Variants in DIAPH3 observed in about 807,000 individuals in gnomAD.
The protein encoded by DIAPH3 is protein diaphanous homolog 3.
A neutral mutation model predicts 144.3 loss-of-function variants in DIAPH3; 117 were observed. The observed-to-expected ratio is 0.81, with a 90% CI of 0.70 to 0.95. DIAPH3 has a LOEUF of 0.95. DIAPH3 is among the 40% of genes least tolerant of loss of function. The pLI is 0.00. For missense variants in DIAPH3, 1,421 were observed against 1,412.7 expected (o/e 1.01, Z -0.09); for synonymous variants, 519 against 488.9 (o/e 1.06, Z -0.81).
intron 17 of DIAPH3, among the ~76,000 whole-genome samples, chr13:59,967,211 T>G (rs2050105722): frequency 6.6e-6 from 1 of 151,632 alleles, no homozygotes; most frequent in South Asian, 2.1e-4. Context: ...GGACTACAGG[T>G]GTGCACCACC....
rs761456565 is a variant in DIAPH3 at position 60,008,527 on chromosome 13, A to G, written c.1014+17T>C. The stretch of plus-strand genomic sequence containing the variant: ...TATGCCATTTAAAAACAGATTTTAT[A>G]TACACACAAAACTTACTTGCAGTTG... On this transcript the variant is annotated intron_variant, in intron 9 of 27. Coordinates refer to ENST00000400324, the MANE Select transcript of DIAPH3 (RefSeq NM_001042517.2). 1.3e-6 allele frequency: 2 copies of G among 1,551,450 alleles called. No individual in the cohort carries two copies. The highest frequency in any genetic ancestry group is 1.7e-5 in the Admixed American group (1 of 59,502).
intron 25 of DIAPH3, among the ~76,000 whole-genome samples, chr13:59,777,175 GT>G (rs2038464091): frequency 6.6e-6 from 1 of 152,126 alleles, no homozygotes; most frequent in Non-Finnish European, 1.5e-5. Context: ...GAAACATATT[GT>G]TGTGCCAGAA....
Position 60,081,574 on chromosome 13 carries a change from A to C in DIAPH3, c.495+12054T>G, listed in dbSNP as rs1490465593. ...GAAAACTCCCTGATCTCCCACAAAA[A>C]AAGACAAAATAACTAAGTAGCAAAA... On this transcript the variant is annotated intron_variant, in intron 4 of 27. Transcript: ENST00000400324. 3.3e-5 allele frequency among the ~76,000 whole-genome samples: 5 copies of C among 152,152 alleles called. No homozygotes were observed. In the East Asian group the frequency reaches 7.7e-4, roughly 23 times the overall value.
At chr13:60,061,902 C>T (rs771238261) in intron 4 of DIAPH3, among the ~76,000 whole-genome samples, 24 of 152,192 alleles carry the variant, frequency 1.6e-4, no homozygotes, top group Non-Finnish European at 2.8e-4. Flanking sequence ...CAGCTATGCA[C>T]ACCATGGTTT....
intron 4 of DIAPH3, among the ~76,000 whole-genome samples, chr13:60,069,301 C>T (rs1302355739): frequency 6.6e-6 from 1 of 152,026 alleles, no homozygotes; most frequent in Non-Finnish European, 1.5e-5. Flanking sequence ...AGGGTCTGCT[C>T]GTGTCCTTTG....
At chr13:60,121,387 G>A (rs980825106) in intron 2 of DIAPH3, among the ~76,000 whole-genome samples, 1 of 152,138 alleles carries the variant, frequency 6.6e-6, no homozygotes, top group Non-Finnish European at 1.5e-5. Flanking sequence ...CACCTGGTAG[G>A]TGGGTACAGA....
At chr13:59,990,118 A>C (rs1158849300) in intron 12 of DIAPH3, among the ~76,000 whole-genome samples, 1 of 151,938 alleles carries the variant, frequency 6.6e-6, no homozygotes, top group East Asian at 1.9e-4. Flanking sequence ...TTTTAATAAA[A>C]TATCAGAAAG....
chr13:59,750,700 T>G (rs2036962929), intron 27 of DIAPH3, among the ~76,000 whole-genome samples: 1 of 152,152 alleles, frequency 6.6e-6, no homozygotes, highest in African/African-American at 2.4e-5. Context: ...AAATGAATAT[T>G]TTTACCGTAG....
intron 24 of DIAPH3, among the ~76,000 whole-genome samples, chr13:59,824,568 A>C (rs1007141821): frequency 6.6e-6 from 1 of 152,204 alleles, no homozygotes; most frequent in African/African-American, 2.4e-5. Flanking sequence ...ATCAGGACTA[A>C]TCATGTCTCT....
At chr13:59,879,082 G>T in intron 21 of DIAPH3, 147 bp downstream of exon 21, 1 of 1,123,866 alleles carries the variant, frequency 8.9e-7, no homozygotes, top group Non-Finnish European at 1.2e-6. Context: ...AATTAGCTCA[G>T]TTCACTCTGG....
intron 5 of DIAPH3, among the ~76,000 whole-genome samples, chr13:60,023,592 C>G (rs2054170829): frequency 6.6e-6 from 1 of 151,824 alleles, no homozygotes; most frequent in South Asian, 2.1e-4. Context: ...CACCACCATG[C>G]CTGGCTAATT....
chr13:59,825,286 T>C (rs1488108518), intron 24 of DIAPH3, among the ~76,000 whole-genome samples: 1 of 151,660 alleles, frequency 6.6e-6, no homozygotes, highest in Non-Finnish European at 1.5e-5. Context: ...GAACATATGG[T>C]GTTTGGTTTT....
intron 24 of DIAPH3, among the ~76,000 whole-genome samples, chr13:59,825,841 GA>G (rs1288760696): frequency 6.6e-6 from 1 of 151,992 alleles, no homozygotes; most frequent in African/African-American, 2.4e-5. Flanking sequence ...CTTCTTTTCA[GA>G]AGTGTCTGTT....
At chr13:60,028,598 C>G (rs1478837202) in intron 5 of DIAPH3, among the ~76,000 whole-genome samples, 5 of 152,108 alleles carry the variant, frequency 3.3e-5, no homozygotes, top group African/African-American at 1.2e-4. Context: ...TCACCTGTAT[C>G]TTTAGCTTCC....
chr13:59,680,563 G>C (rs2032886748), intron 27 of DIAPH3, among the ~76,000 whole-genome samples: 1 of 148,912 alleles, frequency 6.7e-6, no homozygotes, highest in Non-Finnish European at 1.5e-5. Context: ...TCTTTCCTTA[G>C]TCTTTTTTTT....
intron 17 of DIAPH3, among the ~76,000 whole-genome samples, chr13:59,927,002 C>G (rs1161397488): frequency 6.6e-6 from 1 of 152,106 alleles, no homozygotes; most frequent in Non-Finnish European, 1.5e-5. Context: ...TCTGGGTGTT[C>G]TGGCGCTGGG....
At chr13:59,964,995 T>C (rs2049970479) in intron 17 of DIAPH3, among the ~76,000 whole-genome samples, 1 of 152,202 alleles carries the variant, frequency 6.6e-6, no homozygotes, top group Non-Finnish European at 1.5e-5. Context: ...GTGTTCACCT[T>C]AATGTAGCCT....
At chr13:60,109,477 A>G (rs529752494) in intron 3 of DIAPH3, among the ~76,000 whole-genome samples, 3 of 151,424 alleles carry the variant, frequency 2.0e-5, no homozygotes, top group Middle Eastern at 3.4e-3. Context: ...ATAGGGAAGA[A>G]TGGAAAAGCA....
intron 27 of DIAPH3, among the ~76,000 whole-genome samples, chr13:59,700,512 C>A (rs1243868632): frequency 2.0e-5 from 3 of 152,128 alleles, no homozygotes; most frequent in South Asian, 2.1e-4. Context: ...TTTCCCATAT[C>A]TTTCTGAAAT....
Sources: gnomAD v4.1 joint callset for allele counts (sites outside exome capture counted in the v4.1 genomes callset) on GRCh38, gnomAD v4.1.1 for gene constraint, MANE v1.5 for transcripts, NCBI Gene and HGNC (gene_info 2026-07-23, HGNC 2026-07-21) for gene names.